MTUS2: variants seen among roughly 807,000 people sequenced by gnomAD.
The protein encoded by MTUS2 is microtubule-associated tumor suppressor candidate 2.
MTUS2 carries 40 observed loss-of-function variants against 114.1 expected under a neutral mutation model. That is an observed-to-expected ratio of 0.35 (90% CI 0.27 to 0.46). MTUS2 has a LOEUF of 0.46. Ranked by LOEUF, MTUS2 falls within the 20% of genes least tolerant of loss-of-function variation. MTUS2 has a pLI of 1.00. For synonymous variants in MTUS2, 688 were observed against 672.0 expected (o/e 1.02, Z -0.37); for missense variants, 1,679 against 1,705.4 (o/e 0.98, Z 0.27).
Position 29,146,093 on chromosome 13 carries a change from T to C in MTUS2, c.2644+45123T>C, listed in dbSNP as rs141436939. On this transcript the variant is annotated intron_variant, in intron 5 of 15. Transcript: ENST00000612955. ...ATATATCTTGGTTCATTACATAAAG[T>C]GCTTTATCAAAATTTATGTTTAAAA... Among the ~76,000 whole-genome samples, 420 of 152,344 alleles carry C rather than the reference T, an allele frequency of 2.8e-3. 2 individuals are homozygous for C. Among genetic ancestry groups the C allele is most frequent in the African/African-American group, 9.6e-3 (400 of 41,578 alleles).
At chr13:29,310,433 A>G (rs1336702785) in intron 6 of MTUS2, among the ~76,000 whole-genome samples, 2 of 152,246 alleles carry the variant, frequency 1.3e-5, no homozygotes, top group African/African-American at 4.8e-5. Context: ...ACTGTGAATT[A>G]TGATTTAAAC....
At chr13:29,053,778 G>A (rs55937220) in intron 4 of MTUS2, among the ~76,000 whole-genome samples, 189 of 152,142 alleles carry the variant, frequency 1.2e-3, no homozygotes, top group African/African-American at 4.0e-3. Flanking sequence ...GTATTGTATG[G>A]ATGTACATAC....
chr13:29,169,946 G>A (rs142456355), intron 5 of MTUS2, among the ~76,000 whole-genome samples: 14 of 152,306 alleles, frequency 9.2e-5, no homozygotes, highest in Non-Finnish European at 1.3e-4. Context: ...CTCTGTTGAG[G>A]GACCCCATGA....
chr13:28,991,066 C>T (rs766736670), intron 2 of MTUS2, among the ~76,000 whole-genome samples: 9 of 152,020 alleles, frequency 5.9e-5, no homozygotes, highest in South Asian at 4.1e-4. Flanking sequence ...AGAGAACTGT[C>T]GTGATCACAT....
chr13:29,128,596 A>G (rs750084075), intron 5 of MTUS2, among the ~76,000 whole-genome samples: 3 of 152,260 alleles, frequency 2.0e-5, no homozygotes, highest in Non-Finnish European at 2.9e-5. Context: ...CAATCTTTAC[A>G]TGAGCAAGGA....
chr13:29,447,429 G>A (rs548859953), intron 9 of MTUS2, among the ~76,000 whole-genome samples: 1 of 152,114 alleles, frequency 6.6e-6, no homozygotes, highest in East Asian at 1.9e-4. Context: ...AGCTATTTGA[G>A]CTGATTCATC....
At chr13:29,160,101 C>A (rs562268516) in intron 5 of MTUS2, among the ~76,000 whole-genome samples, 1 of 152,176 alleles carries the variant, frequency 6.6e-6, no homozygotes, top group Non-Finnish European at 1.5e-5. Flanking sequence ...ATCCAGAAGG[C>A]CTTCCGTGGG....
At chr13:28,857,240 T>C (rs1055040439) in intron 2 of MTUS2, among the ~76,000 whole-genome samples, 7 of 152,198 alleles carry the variant, frequency 4.6e-5, no homozygotes, top group African/African-American at 1.7e-4. Context: ...AGATGATAGA[T>C]CTAGAAGACA....
At chr13:29,465,367 G>A (rs1879811180) in intron 9 of MTUS2, among the ~76,000 whole-genome samples, 1 of 152,326 alleles carries the variant, frequency 6.6e-6, no homozygotes, top group Admixed American at 6.5e-5. Context: ...CAGCTGGTAA[G>A]CAGTGAACAG....
rs77987633 is a variant in MTUS2, at chr13:29,281,686, G to A, written c.2645-18G>A. ...TTTTTCATGAAGTTATAATTAACAC[G>A]CTGTCTGCCTCCCACAGGTTCAACC... On this transcript the variant is annotated intron_variant, in intron 5 of 15. Transcript: ENST00000612955. 35,779 of 1,586,622 alleles carry A rather than the reference G, an allele frequency of 0.023. 490 individuals are homozygous for A. The highest frequency in any genetic ancestry group is 0.026 in the Non-Finnish European group (30,784 of 1,163,662).
intron 5 of MTUS2, among the ~76,000 whole-genome samples, chr13:29,202,814 T>C (rs878896381): frequency 6.6e-6 from 1 of 152,216 alleles, no homozygotes; most frequent in Non-Finnish European, 1.5e-5. Flanking sequence ...CAGACCCTGT[T>C]TGCCTGGGTA....
In MTUS2 at chr13:28,981,789, C is replaced by CT. The variant is rs75274301; in HGVS notation, c.-242-42667dup. Among the ~76,000 whole-genome samples, 50 of 152,306 alleles carry CT rather than the reference C, an allele frequency of 3.3e-4. No homozygotes were observed. The East Asian group carries it at 8.7e-3, about 26-fold the overall frequency. ...TGCCGCTTCAGGAAACTGTGGTACT[C>CT]TAACGCTTCATCTGGCCTGTTTTAG... On this transcript the variant is annotated intron_variant, in intron 2 of 15. Transcript: ENST00000612955.
At chr13:29,375,408 A>G (rs9508425) in intron 8 of MTUS2, among the ~76,000 whole-genome samples, 23 of 76,554 alleles carry the variant, frequency 3.0e-4, no homozygotes, top group African/African-American at 8.5e-4. Context: ...AAAAACCGCA[A>G]TTACTTACTT....
At chr13:29,162,235 G>A (rs545497677) in intron 5 of MTUS2, among the ~76,000 whole-genome samples, 155 of 152,200 alleles carry the variant, frequency 1.0e-3, no homozygotes, top group African/African-American at 3.6e-3. Flanking sequence ...CAGAGACCCT[G>A]GATTCAAATA....
At chr13:29,378,081 A>C (rs1462287085) in intron 8 of MTUS2, among the ~76,000 whole-genome samples, 1 of 152,200 alleles carries the variant, frequency 6.6e-6, no homozygotes, top group African/African-American at 2.4e-5. Context: ...CTATAGTGAC[A>C]GAGAACAGAT....
chr13:29,399,968 G>A (rs1240033720), intron 8 of MTUS2, among the ~76,000 whole-genome samples: 2 of 152,184 alleles, frequency 1.3e-5, no homozygotes, highest in Non-Finnish European at 2.9e-5. Flanking sequence ...ACAAAAAGAA[G>A]GCTTGTATAT....
intron 2 of MTUS2, among the ~76,000 whole-genome samples, chr13:29,008,190 A>G (rs1308438714): frequency 6.6e-6 from 1 of 152,146 alleles, no homozygotes; most frequent in Non-Finnish European, 1.5e-5. Context: ...GTGCCAAGTC[A>G]GTCAACAGAG....
Position 29,324,695 on chromosome 13 carries a change from C to T in MTUS2, c.2889C>T (p.Thr963=). 6.3e-7 allele frequency: 1 copy of T among 1,598,228 alleles called. No individual in the cohort carries two copies. Among genetic ancestry groups the T allele is most frequent in the Non-Finnish European group, 8.5e-7 (1 of 1,171,804 alleles). ...CTAAGAGAGTAGCAGCTTCAACCAC[C>T]AAGCTTCATTCACCAGGTATGTAAG... ...SSPKRVAAST[T]KLHSPGYPKQ... Residue 963 remains threonine (T), a synonymous_variant, in exon 7 of 16, where the codon ACC becomes ACT. Transcript: ENST00000612955.
intron 15 of MTUS2, among the ~76,000 whole-genome samples, chr13:29,502,064 A>G (rs1882950787): frequency 6.6e-6 from 1 of 152,180 alleles, no homozygotes; most frequent in African/African-American, 2.4e-5. Flanking sequence ...ACACACAGCC[A>G]TTGCCCCCAT....
Sources: gnomAD v4.1 joint callset for allele counts (sites outside exome capture counted in the v4.1 genomes callset) on GRCh38, gnomAD v4.1.1 for gene constraint, MANE v1.5 for transcripts, NCBI Gene and HGNC (gene_info 2026-07-23, HGNC 2026-07-21) for gene names.